CACNA1C: variants seen among roughly 807,000 people sequenced by gnomAD.
CACNA1C encodes the protein calcium voltage-gated channel subunit alpha1 C.
A neutral mutation model predicts 229.0 loss-of-function variants in CACNA1C; 30 were observed. The observed-to-expected ratio is 0.13, with a 90% CI of 0.10 to 0.18. CACNA1C has a LOEUF of 0.18. CACNA1C is among the 10% of genes least tolerant of loss of function. The pLI, the probability that CACNA1C is intolerant of heterozygous loss-of-function variation, is 1.00. For missense variants in CACNA1C, 1,658 were observed against 2,845.0 expected (o/e 0.58, Z 9.49); for synonymous variants, 1,114 against 1,132.5 (o/e 0.98, Z 0.33).
chr12:2,070,793 C>G (rs2060886714), intron 1 of CACNA1C, among the ~76,000 whole-genome samples: 1 of 152,074 alleles, frequency 6.6e-6, no homozygotes, highest in Non-Finnish European at 1.5e-5. Context: ...CTCACCAGTT[C>G]TTAGTCATTA....
chr12:2,457,468 G>A (rs1275646702), intron 4 of CACNA1C, 99 bp from the exon 5 acceptor site: 1 of 1,342,858 alleles, frequency 7.4e-7, no homozygotes, highest in African/African-American at 1.5e-5. Context: ...GGAGACGCCT[G>A]CGCAATCTGC....
chr12:2,266,363 T>G (rs1028837820), intron 3 of CACNA1C, among the ~76,000 whole-genome samples: 1 of 152,252 alleles, frequency 6.6e-6, no homozygotes, highest in Non-Finnish European at 1.5e-5. Flanking sequence ...CTGAGCATAT[T>G]GACCTGGGGG....
intron 3 of CACNA1C, among the ~76,000 whole-genome samples, chr12:2,368,654 T>C (rs1208814268): frequency 1.3e-5 from 2 of 152,248 alleles, no homozygotes; most frequent in African/African-American, 4.8e-5. Flanking sequence ...CGTATTTCTA[T>C]AGGAAAGATT....
At chr12:2,001,109 CTA>C (rs964990775) in intron 1 of CACNA1C, among the ~76,000 whole-genome samples, 32 of 152,134 alleles carry the variant, frequency 2.1e-4, no homozygotes, top group African/African-American at 7.7e-4. Flanking sequence ...GTCAGGCGCT[CTA>C]TGACACCTGG....
intron 45 of CACNA1C, among the ~76,000 whole-genome samples, chr12:2,687,567 T>C (rs1056637622): frequency 3.5e-4 from 53 of 151,396 alleles, no homozygotes; most frequent in African/African-American, 1.2e-3. Context: ...GAGACAGAGT[T>C]TTGCTCTTGT....
At position 2,036,823 on chromosome 12, in the gene CACNA1C, T is replaced by C. The variant is rs577277644; in HGVS notation, c.139+65622T>C. On this transcript the variant is annotated intron_variant, in intron 1 of 46. Coordinates refer to the CACNA1C transcript ENST00000682462. Reference sequence around the variant, plus strand: ...GGAAGGGTTATACCTTAAGTCATTATCAGGTAACCCTTTAGTGACCAGATG... The same window carrying C: ...GGAAGGGTTATACCTTAAGTCATTACCAGGTAACCCTTTAGTGACCAGATG... Among the ~76,000 whole-genome samples, 5 of 152,338 alleles carry C rather than the reference T, an allele frequency of 3.3e-5. No individual in the cohort carries two copies. The East Asian group carries it at 7.7e-4, about 24-fold the overall frequency.
chr12:2,041,483 C>A lies in CACNA1C; in HGVS notation c.139+70282C>A, dbSNP rs112657405. 1.8e-4 allele frequency among the ~76,000 whole-genome samples: 27 copies of A among 151,740 alleles called. No individual in the cohort carries two copies. In the East Asian group the frequency reaches 2.7e-3, roughly 15 times the overall value. Reference sequence around the variant, plus strand: ...AGTAGAGACGGGGTTTCACCATGTTCGCCAGGATGGTCTCGATCTCCTGAC... The same window carrying A: ...AGTAGAGACGGGGTTTCACCATGTTAGCCAGGATGGTCTCGATCTCCTGAC... On this transcript the variant is annotated intron_variant, in intron 1 of 46. Transcript: ENST00000682462.
At chr12:2,197,668 CCCT>C (rs2097451212) in intron 3 of CACNA1C, among the ~76,000 whole-genome samples, 1 of 152,146 alleles carries the variant, frequency 6.6e-6, no homozygotes, top group Non-Finnish European at 1.5e-5. Flanking sequence ...CCTTCCTTTC[CCCT>C]CCTCCAAAAA....
intron 43 of CACNA1C, among the ~76,000 whole-genome samples, 189 bp downstream of exon 43, chr12:2,682,867 A>AACACAACACAC (rs2097223506): frequency 3.5e-4 from 1 of 2,860 alleles, no homozygotes. Flanking sequence ...AACACACACA[A>AACACAACACAC]ACACACACAC....
intron 3 of CACNA1C, among the ~76,000 whole-genome samples, chr12:2,205,909 T>A (rs2097745229): frequency 6.6e-6 from 1 of 152,232 alleles, no homozygotes; most frequent in African/African-American, 2.4e-5. Context: ...GGGAGCTCTC[T>A]GGAGTCTCTA....
rs978227303 is a variant in CACNA1C at position 2,689,170 on chromosome 12, T to G, written c.6117+391T>G. Among the ~76,000 whole-genome samples, 3 of 152,180 alleles carry G rather than the reference T, an allele frequency of 2.0e-5. No homozygotes were observed. Among genetic ancestry groups the G allele is most frequent in the Non-Finnish European group, 1.5e-5 (1 of 68,036 alleles). On this transcript the variant is annotated intron_variant, in intron 46 of 46. Transcript: ENST00000399655. This position sits in a 1 kb window ranked among gnomAD's most constrained non-coding sequence, Gnocchi z 4.2. ...AAACCCGGGACAGATTAACTGATGA[T>G]TGTTAAAGCTCTTCGATGATTTTAA...
chr12:2,487,998 C>G (rs1394008227), intron 6 of CACNA1C, among the ~76,000 whole-genome samples: 2 of 152,170 alleles, frequency 1.3e-5, no homozygotes, highest in African/African-American at 2.4e-5. Flanking sequence ...CTCAGGAAGT[C>G]TCAGACATGT....
At position 2,053,380 on chromosome 12, in the gene CACNA1C, A is replaced by T. The variant is rs915208614; in HGVS notation, c.-183A>T. On this transcript the variant is annotated 5_prime_UTR_variant, in exon 1 of 47. The change abolishes an upstream ATG in the 5' untranslated region. Transcript: ENST00000399655. This position sits in a 1 kb window ranked among gnomAD's most constrained non-coding sequence, Gnocchi z 5.8. The stretch of plus-strand genomic sequence containing the variant: ...GGAAAGGAGCAGTTTTTGGGGTTTG[A>T]TGCCATAATGGGAATCAGGTAATCG... 3 of 1,376,658 alleles carry T rather than the reference A, an allele frequency of 2.2e-6. No homozygotes were observed. Among genetic ancestry groups the T allele is most frequent in the Non-Finnish European group, 2.8e-6 (3 of 1,063,016 alleles). 85.3% of individuals were successfully genotyped at this position (1,376,658 alleles called of 1,614,324 possible).
At chr12:2,568,597 G>A (rs2052575354) in intron 13 of CACNA1C, among the ~76,000 whole-genome samples, 1 of 152,170 alleles carries the variant, frequency 6.6e-6, no homozygotes, top group Admixed American at 6.5e-5. Flanking sequence ...AAAAAGGAAG[G>A]AAATCCTGAC....
chr12:2,590,491 A>G (rs1453234808), intron 18 of CACNA1C, among the ~76,000 whole-genome samples: 1 of 152,186 alleles, frequency 6.6e-6, no homozygotes, highest in African/African-American at 2.4e-5. Context: ...ATCTGTCAGC[A>G]TCCCTCCTCA....
chr12:2,334,878 C>T (rs1018434160), intron 3 of CACNA1C, among the ~76,000 whole-genome samples: 5 of 152,072 alleles, frequency 3.3e-5, no homozygotes, highest in Admixed American at 2.0e-4. Context: ...TTGGGGTTTC[C>T]ATTGTGTGTT....
Position 2,280,705 on chromosome 12 carries a change from A to G in CACNA1C, c.477+160275A>G, listed in dbSNP as rs576076204. 8.5e-4 allele frequency among the ~76,000 whole-genome samples: 76 copies of G among 88,960 alleles called. 1 individual carries two copies. Among genetic ancestry groups the G allele is most frequent in the African/African-American group, 3.4e-3 (70 of 20,716 alleles). The allele number at this position is 88,960 out of a possible 152,430, so 58.4% of individuals were successfully genotyped here. The stretch of plus-strand genomic sequence containing the variant: ...CTGTGCTTCGGTTTAACCTCTTGAT[A>G]CCTTGCTGTGCTTCGGTTTAACCTC... On this transcript the variant is annotated intron_variant, in intron 3 of 46. Coordinates refer to ENST00000399655, the MANE Select transcript of CACNA1C (RefSeq NM_000719.7).
At position 2,479,753 on chromosome 12, in the gene CACNA1C, T is replaced by A. The variant is rs576666721; in HGVS notation, c.758-6351T>A. ...CAGCAGAATCCAGAGTCAGCCCCAC[T>A]CCTGGGAAGCCCTGACTACATCGGG... On this transcript the variant is annotated intron_variant, in intron 5 of 46. Transcript: ENST00000399655. This position sits in a 1 kb window ranked among gnomAD's most constrained non-coding sequence, Gnocchi z 4.3. 6.6e-6 allele frequency among the ~76,000 whole-genome samples: 1 copy of A among 152,312 alleles called. No homozygotes were observed. Among genetic ancestry groups the A allele is most frequent in the East Asian group, 1.9e-4 (1 of 5,178 alleles).
At chr12:2,016,725 C>T (rs995093708) in intron 1 of CACNA1C, among the ~76,000 whole-genome samples, 1 of 152,186 alleles carries the variant, frequency 6.6e-6, no homozygotes, top group African/African-American at 2.4e-5. Context: ...CCACCATGCC[C>T]ATCTGTTTAA....
Sources: gnomAD v4.1 joint callset for allele counts (sites outside exome capture counted in the v4.1 genomes callset) on GRCh38, gnomAD v4.1.1 for gene constraint, Gnocchi (gnomAD v3.1) non-coding constraint, MANE v1.5 for transcripts, NCBI Gene and HGNC (gene_info 2026-07-23, HGNC 2026-07-21) for gene names.